Variants in ZAP70 observed in about 807,000 individuals in gnomAD.
ZAP70 encodes the protein zeta chain of T cell receptor associated protein kinase 70.
In ZAP70, 27 loss-of-function variants were observed where a neutral mutation model predicts 65.8. The ratio of observed to expected loss-of-function variants is 0.41; its 90% CI spans 0.30 to 0.57. The LOEUF is 0.57. Among genes scored for constraint, ZAP70 ranks in the 20% least tolerant of loss-of-function variants. ZAP70 has a pLI of 0.28. For missense variants in ZAP70, 696 were observed against 870.5 expected (o/e 0.80, Z 2.52); for synonymous variants, 363 against 360.8 (o/e 1.01, Z -0.07).
rs777979932 is a variant in ZAP70 at position 97,736,951 on chromosome 2, G to A, written c.1290-522G>A. 1.3e-5 allele frequency among the ~76,000 whole-genome samples: 2 copies of A among 152,124 alleles called. No individual in the cohort carries two copies. The highest frequency in any genetic ancestry group is 6.5e-5 in the Admixed American group (1 of 15,270). On this transcript the variant is annotated intron_variant, in intron 10 of 13. Coordinates refer to ENST00000264972, the MANE Select transcript of ZAP70 (RefSeq NM_001079.4). The surrounding 1 kb of genome is among the most constrained non-coding windows in gnomAD (Gnocchi z 4.0). ...GACAGGAGGGAGCGAGGGCCTGGGC[G>A]GAGCTGACTATTCCTGCCTGGGGGT...
At position 97,715,392 on chromosome 2, in the gene ZAP70, C is replaced by G. The variant is rs1382019453; in HGVS notation, c.-22+1398C>G. 7.2e-5 allele frequency among the ~76,000 whole-genome samples: 11 copies of G among 152,198 alleles called. No individual in the cohort carries two copies. Among genetic ancestry groups the G allele is most frequent in the Non-Finnish European group, 1.5e-5 (1 of 68,038 alleles). On this transcript the variant is annotated intron_variant, in intron 2 of 13. Transcript: ENST00000264972. This position sits in a 1 kb window ranked among gnomAD's most constrained non-coding sequence, Gnocchi z 4.1. ...CCCTGTTCCATTGTCTCTATCAGCC[C>G]CTATCCTCCTGACTCACACCGCCTT...
intron 2 of ZAP70, among the ~76,000 whole-genome samples, chr2:97,718,094 T>C (rs570341935): frequency 6.6e-6 from 1 of 152,260 alleles, no homozygotes; most frequent in South Asian, 2.1e-4. Context: ...GCTTGGGGAA[T>C]GAACAGGCTC....
At chr2:97,754,699 G>A in the ZAP70 span, among the ~76,000 whole-genome samples, 1 of 152,110 alleles carries the variant, frequency 6.6e-6, no homozygotes, top group Non-Finnish European at 1.5e-5. Context: ...CCCAGCGCCT[G>A]GCCCAGTTTT....
intron 2 of ZAP70, among the ~76,000 whole-genome samples, chr2:97,722,884 C>T (rs956363743): frequency 6.6e-6 from 1 of 152,224 alleles, no homozygotes; most frequent in Non-Finnish European, 1.5e-5. Flanking sequence ...CACTCCTAAA[C>T]ATTTCTGCAA....
At chr2:97,725,683 C>A (rs1677359338) in intron 4 of ZAP70, among the ~76,000 whole-genome samples, 1 of 152,100 alleles carries the variant, frequency 6.6e-6, no homozygotes. Context: ...AAATAGAGAC[C>A]CTGTCAGATG....
intron 3 of ZAP70, 196 bp from the exon 4 acceptor site, chr2:97,724,895 TG>T: frequency 6.5e-7 from 1 of 1,531,580 alleles, no homozygotes; most frequent in Non-Finnish European, 8.7e-7. Flanking sequence ...CGCTGGAAGG[TG>T]GGGGTGGTTC....
Position 97,734,606 on chromosome 2 carries a change from A to G in ZAP70, c.976A>G (p.Lys326Glu), listed in dbSNP as rs1294092617. The G allele has an allele frequency of 6.2e-7, 1 of 1,614,220 alleles. No individual in the cohort carries two copies. Among genetic ancestry groups the G allele is most frequent in the Admixed American group, 1.7e-5 (1 of 60,038 alleles). ...ESPYSDPEELKDKKLFLKRDN... is the reference protein window; with the variant it reads ...ESPYSDPEELEDKKLFLKRDN... The stretch of plus-strand genomic sequence containing the variant: ...CCCCTACAGCGACCCAGAGGAGCTC[A>G]AGGACAAGAAGCTCTTCCTGAAGCG... Residue 326 changes from lysine to glutamate, a missense_variant, in exon 9 of 14, where the codon AAG becomes GAG. Lys to Glu is a moderately conservative substitution (Grantham distance 56). Transcript: ENST00000264972.
chr2:97,728,471 CTG>C (rs1677476838), intron 4 of ZAP70, among the ~76,000 whole-genome samples: 1 of 152,240 alleles, frequency 6.6e-6, no homozygotes, highest in South Asian at 2.1e-4. Context: ...TGGACAGAAA[CTG>C]TGAGAGCTTC....
chr2:97,734,633 G>T lies in ZAP70; in HGVS notation c.1003G>T (p.Asp335Tyr). 1.2e-6 allele frequency: 2 copies of T among 1,614,218 alleles called. No individual in the cohort carries two copies. The highest frequency in any genetic ancestry group is 1.7e-6 in the Non-Finnish European group (2 of 1,180,028). Residue 335 changes from aspartate to tyrosine, a missense_variant, in exon 9 of 14, where the codon GAT becomes TAT. Coordinates refer to ENST00000264972, the MANE Select transcript of ZAP70 (RefSeq NM_001079.4). ...LKDKKLFLKR[D>Y]NLLIADIELG... ...GGACAAGAAGCTCTTCCTGAAGCGC[G>T]ATAACCTCCTCATAGCTGACATTGA...
At position 97,734,668 on chromosome 2, in the gene ZAP70, C is replaced by T. The variant is rs758571157; in HGVS notation, c.1038C>T (p.Cys346=). 2.5e-6 allele frequency: 4 copies of T among 1,614,176 alleles called. No individual in the cohort carries two copies. Among genetic ancestry groups the T allele is most frequent in the South Asian group, 1.1e-5 (1 of 91,086 alleles). The change falls in exon 9 of 14, where the codon TGC becomes TGT. Residue 346 remains cysteine, a synonymous_variant. Coordinates refer to ENST00000264972, the MANE Select transcript of ZAP70 (RefSeq NM_001079.4). ...TCATAGCTGACATTGAACTTGGCTG[C>T]GGCAACTTTGGCTCAGTGCGCCAGG... ...NLLIADIELG[C]GNFGSVRQGV... is the part of the protein sequence containing the mutation.
At chr2:97,734,439 C>G in intron 8 of ZAP70, 81 bp from the exon 9 acceptor site, 1 of 1,505,500 alleles carries the variant, frequency 6.6e-7, no homozygotes, top group Admixed American at 2.1e-5. Context: ...TTGTCTGGGG[C>G]AGGTGCTTGT....
chr2:97,728,323 C>T (rs1677471209), intron 4 of ZAP70, among the ~76,000 whole-genome samples: 1 of 152,210 alleles, frequency 6.6e-6, no homozygotes, highest in Non-Finnish European at 1.5e-5. Flanking sequence ...CATCTGGGCA[C>T]AGCATAGAGC....
At position 97,716,409 on chromosome 2, in the gene ZAP70, C is replaced by A. The variant is rs74597039; in HGVS notation, c.-22+2415C>A. 3.2e-3 allele frequency among the ~76,000 whole-genome samples: 488 copies of A among 152,334 alleles called. 4 individuals are homozygous for A. The highest frequency in any genetic ancestry group is 0.011 in the African/African-American group (442 of 41,574). On this transcript the variant is annotated intron_variant, in intron 2 of 13. Transcript: ENST00000264972. ...GCTCCACTCCCGTGGTGCTTACATTCTGGCAGGGACAAAGGTACTATGTCA... is the reference window on the plus strand; with the variant it reads ...GCTCCACTCCCGTGGTGCTTACATTATGGCAGGGACAAAGGTACTATGTCA...
At chr2:97,718,345 A>G (rs781191562) in intron 2 of ZAP70, among the ~76,000 whole-genome samples, 4 of 152,120 alleles carry the variant, frequency 2.6e-5, no homozygotes, top group Non-Finnish European at 4.4e-5. Context: ...CTGCGTGGCA[A>G]ATGCTCCCAC....
At chr2:97,741,678 G>A (rs555940477), downstream of ZAP70, among the ~76,000 whole-genome samples, 128 of 152,378 alleles carry the variant, frequency 8.4e-4, no homozygotes, top group African/African-American at 2.9e-3. Flanking sequence ...ACCTCTCAAC[G>A]CAGCCTGGGC....
chr2:97,720,214 T>A (rs1573254439), intron 2 of ZAP70, among the ~76,000 whole-genome samples: 1 of 151,926 alleles, frequency 6.6e-6, no homozygotes, highest in East Asian at 1.9e-4. Context: ...CCTTCATGGG[T>A]TTTTTTGTTT....
the ZAP70 span, among the ~76,000 whole-genome samples, chr2:97,749,492 G>T: frequency 1.3e-5 from 2 of 152,192 alleles, no homozygotes; most frequent in Non-Finnish European, 1.5e-5. Flanking sequence ...TTCCGGGTGG[G>T]CAATGACTGT....
At chr2:97,728,703 C>T (rs1053153006) in intron 4 of ZAP70, among the ~76,000 whole-genome samples, 39 of 152,152 alleles carry the variant, frequency 2.6e-4, no homozygotes, top group African/African-American at 8.5e-4. Context: ...CCGGCTGATT[C>T]GACTTTAAAA....
Position 97,739,851 on chromosome 2 carries a change from T to G in ZAP70, c.*353T>G. The G allele has an allele frequency of 3.3e-6, 1 of 307,230 alleles. No homozygotes were observed. The allele number at this position is 307,230 out of a possible 1,614,324, so 19.0% of individuals were successfully genotyped here. On this transcript the variant is annotated 3_prime_UTR_variant, in exon 14 of 14. Coordinates refer to ENST00000264972, the MANE Select transcript of ZAP70 (RefSeq NM_001079.4). Reference sequence around the variant, plus strand: ...CGTAGATCACCAGAATAAACCCAGCTTCCCTCTTGTCTGAGCGCCCTCATC... The same window carrying G: ...CGTAGATCACCAGAATAAACCCAGCGTCCCTCTTGTCTGAGCGCCCTCATC...
Sources: allele counts gnomAD v4.1 joint callset (sites outside exome capture counted in the v4.1 genomes callset), GRCh38; gene constraint gnomAD v4.1.1; non-coding constraint Gnocchi (gnomAD v3.1); transcripts MANE v1.5; gene names NCBI Gene and HGNC (gene_info 2026-07-23, HGNC 2026-07-21).